FREM3: variants seen among roughly 807,000 people sequenced by gnomAD.
FREM3 encodes FRAS1-related extracellular matrix protein 3.
A neutral mutation model predicts 129.1 loss-of-function variants in FREM3; 105 were observed. That is an observed-to-expected ratio of 0.81 (90% CI 0.69 to 0.96). The LOEUF is 0.96. Among genes scored for constraint, FREM3 ranks in the 40% least tolerant of loss-of-function variants. The pLI, the probability that FREM3 is intolerant of heterozygous loss-of-function variation, is 0.00. For missense variants in FREM3, 2,593 were observed against 2,666.3 expected, an observed-to-expected ratio of 0.97 and a Z score of 0.61; for synonymous variants, 1,014 against 1,044.9, an observed-to-expected ratio of 0.97 and a Z score of 0.57.
chr4:143,679,695 G>A (rs1254175535), intron 2 of FREM3, among the ~76,000 whole-genome samples: 1 of 152,144 alleles, frequency 6.6e-6, no homozygotes, highest in Non-Finnish European at 1.5e-5. Flanking sequence ...CAGAACCTGG[G>A]AATGCTGTTG....
intron 2 of FREM3, among the ~76,000 whole-genome samples, chr4:143,691,289 C>G (rs1740463803): frequency 1.3e-5 from 2 of 152,094 alleles, no homozygotes; most frequent in African/African-American, 4.8e-5. Context: ...TCCACGGCTT[C>G]AGCTTCCCAA....
chr4:143,618,126 G>A (rs1256190776), intron 5 of FREM3, among the ~76,000 whole-genome samples: 1 of 152,190 alleles, frequency 6.6e-6, no homozygotes, highest in Non-Finnish European at 1.5e-5. Context: ...CTATGCTGCA[G>A]AAGGACCATC....
Position 143,695,410 on chromosome 4 carries a change from C to G in FREM3, c.5185+81G>C, listed in dbSNP as rs968594375. 4.9e-6 allele frequency: 6 copies of G among 1,220,628 alleles called. No homozygotes were observed. The African/African-American group carries it at 9.2e-5, about 19-fold the overall frequency. The allele number at this position is 1,220,628 out of a possible 1,614,324, so 75.6% of individuals were successfully genotyped here. A position where few individuals can be genotyped will look rare whatever the true frequency, so the allele number is the denominator to read the frequency against. On this transcript the variant is annotated intron_variant, in intron 1 of 7. Transcript: ENST00000329798. ...GAATCTTACTGCAAATGGCTGAGAT[C>G]AGGACAATTTTACACAAAGCTGAGA... is the stretch of plus-strand genomic sequence containing the variant.
In FREM3 at chr4:143,627,904, A is replaced by G. The variant is rs565423321; in HGVS notation, c.5276-144T>C. The G allele has an allele frequency of 1.7e-5, 11 of 629,200 alleles. No homozygotes were observed. The South Asian group carries it at 2.2e-4, about 13-fold the overall frequency. 39.0% of individuals were successfully genotyped at this position (629,200 alleles called of 1,614,324 possible). A position where few individuals can be genotyped will look rare whatever the true frequency, so the allele number is the denominator to read the frequency against. On this transcript the variant is annotated intron_variant, in intron 2 of 7. Transcript: ENST00000329798. ...ATTTTATTTTTTTGGTAGAGAGAGG[A>G]AATGTTGTTTGCTTTTCTAGAGGAT... is the stretch of plus-strand genomic sequence containing the variant.
chr4:143,618,175 G>T (rs1738883751), intron 5 of FREM3, among the ~76,000 whole-genome samples: 1 of 152,134 alleles, frequency 6.6e-6, no homozygotes, highest in African/African-American at 2.4e-5. Flanking sequence ...CACGGAGTCA[G>T]CTAGGATGGA....
At chr4:143,615,309 A>T (rs971356192) in intron 5 of FREM3, among the ~76,000 whole-genome samples, 2 of 152,194 alleles carry the variant, frequency 1.3e-5, no homozygotes, top group Non-Finnish European at 1.5e-5. Flanking sequence ...TGTTTAGTTG[A>T]TTATAAATTC....
chr4:143,655,066 T>C (rs549927156), intron 2 of FREM3, among the ~76,000 whole-genome samples: 1 of 152,178 alleles, frequency 6.6e-6, no homozygotes, highest in South Asian at 2.1e-4. Context: ...GACAGAGGCA[T>C]AGGGGTCAGG....
intron 2 of FREM3, among the ~76,000 whole-genome samples, chr4:143,637,241 A>T (rs1478961220): frequency 7.1e-6 from 1 of 140,554 alleles, no homozygotes; most frequent in African/African-American, 2.4e-5. Flanking sequence ...ATGTCTACAG[A>T]TGATAAATAT....
intron 2 of FREM3, among the ~76,000 whole-genome samples, chr4:143,681,310 A>G (rs572966311): frequency 6.6e-6 from 1 of 152,234 alleles, no homozygotes; most frequent in South Asian, 2.1e-4. Flanking sequence ...AGTGCTATAC[A>G]AGTTTAGAGT....
At chr4:143,597,336 T>C (rs1738501313) in intron 6 of FREM3, among the ~76,000 whole-genome samples, 2 of 152,112 alleles carry the variant, frequency 1.3e-5, no homozygotes, top group African/African-American at 2.4e-5. Flanking sequence ...AAACACATCG[T>C]ATGAAACTTT....
chr4:143,611,329 C>T lies in FREM3; in HGVS notation c.5978G>A (p.Gly1993Glu). The part of the protein sequence containing the change: ...SLRLPVGGQL[G>E]ARFPTTKVTI... Reference sequence around the variant, plus strand: ...CACCTTAGTGGTGGGGAATCTGGCTCCCAGCTGTCCTCCCACTGGCAGCCT... The same window carrying T: ...CACCTTAGTGGTGGGGAATCTGGCTTCCAGCTGTCCTCCCACTGGCAGCCT... Residue 1993 changes from glycine to glutamate, a missense_variant, in exon 6 of 8, where the codon GGA becomes GAA. Around this residue, in one of 2 missense-constraint regions of FREM3, gnomAD observed 317 missense variants for 399.0 expected, o/e 0.79. Transcript: ENST00000329798. 1.3e-6 allele frequency: 2 copies of T among 1,536,834 alleles called. No individual in the cohort carries two copies. Among genetic ancestry groups the T allele is most frequent in the Non-Finnish European group, 1.7e-6 (2 of 1,146,800 alleles).
At chr4:143,608,795 G>A (rs1738707138) in intron 6 of FREM3, among the ~76,000 whole-genome samples, 1 of 152,140 alleles carries the variant, frequency 6.6e-6, no homozygotes, top group African/African-American at 2.4e-5. Context: ...GAGTCAAACA[G>A]GGTTAGGCCT....
At chr4:143,688,573 A>G (rs898273112) in intron 2 of FREM3, among the ~76,000 whole-genome samples, 5 of 152,124 alleles carry the variant, frequency 3.3e-5, no homozygotes, top group African/African-American at 1.2e-4. Flanking sequence ...CCAAAGCAAG[A>G]CTAAGCAAAA....
At chr4:143,633,940 A>G (rs1219861868) in intron 2 of FREM3, among the ~76,000 whole-genome samples, 1 of 152,164 alleles carries the variant, frequency 6.6e-6, no homozygotes, top group African/African-American at 2.4e-5. Context: ...AAGATGGGTT[A>G]AAGAAAAATG....
intron 2 of FREM3, among the ~76,000 whole-genome samples, chr4:143,646,741 C>T (rs751621919): frequency 9.9e-5 from 15 of 152,142 alleles, no homozygotes; most frequent in African/African-American, 2.4e-4. Context: ...AGTTCTTCAT[C>T]GAAGCATGAG....
intron 7 of FREM3, among the ~76,000 whole-genome samples, chr4:143,582,415 A>G (rs548115840): frequency 6.6e-5 from 10 of 152,238 alleles, no homozygotes; most frequent in African/African-American, 2.4e-4. Flanking sequence ...AATACTTTGC[A>G]TATAACACCC....
At chr4:143,685,231 T>C (rs1167581591) in intron 2 of FREM3, among the ~76,000 whole-genome samples, 1 of 152,106 alleles carries the variant, frequency 6.6e-6, no homozygotes, top group African/African-American at 2.4e-5. Flanking sequence ...GGAAATAATC[T>C]TAAGAGCTGT....
intron 6 of FREM3, among the ~76,000 whole-genome samples, chr4:143,603,887 G>T (rs1738620475): frequency 1.3e-5 from 2 of 152,092 alleles, no homozygotes; most frequent in South Asian, 4.1e-4. Flanking sequence ...AAACCAATGC[G>T]AATTCCTGAC....
At chr4:143,634,334 T>G (rs35243604) in intron 2 of FREM3, among the ~76,000 whole-genome samples, 40,913 of 152,028 alleles carry the variant, frequency 0.27, 6,625 homozygotes, top group Middle Eastern at 0.39. Flanking sequence ...AAATATATAT[T>G]GTACAATCTT....
Sources: allele counts gnomAD v4.1 joint callset (sites outside exome capture counted in the v4.1 genomes callset), GRCh38; gene constraint gnomAD v4.1.1; regional missense constraint gnomAD v4.1.1; transcripts MANE v1.5; gene names NCBI Gene and HGNC (gene_info 2026-07-23, HGNC 2026-07-21).